Variants in SUPT3H observed in about 807,000 individuals in gnomAD.
SUPT3H encodes transcription initiation protein SPT3 homolog.
Under a neutral mutation model 44.3 loss-of-function variants are expected in SUPT3H, and 44 were observed. The ratio of observed to expected loss-of-function variants is 0.99; its 90% confidence interval spans 0.78 to 1.28. The LOEUF (loss-of-function observed/expected upper bound fraction) is 1.28, where lower values mean the gene tolerates loss of function less well. SUPT3H is among the 50% of genes most tolerant of loss of function. The pLI is 0.00. For synonymous variants in SUPT3H, 124 were observed against 125.6 expected (o/e 0.99, Z 0.09); for missense variants, 380 against 387.1 (o/e 0.98, Z 0.15).
intron 2 of SUPT3H, among the ~76,000 whole-genome samples, chr6:45,168,653 C>T (rs1429888018): frequency 6.6e-6 from 1 of 152,118 alleles, no homozygotes; most frequent in African/African-American, 2.4e-5. Flanking sequence ...CTTATAAACC[C>T]TGAGCCTAAA....
Position 45,291,876 on chromosome 6 carries a change from T to C in SUPT3H, c.101+73325A>G, listed in dbSNP as rs1169125533. ...TTGGAAAACATACTTGGGGGAATAA[T>C]CGAGGAAAACTTCCCTGACCTTGCT... is the stretch of plus-strand genomic sequence containing the variant. On this transcript the variant is annotated intron_variant, in intron 2 of 10. Coordinates refer to ENST00000371459, the MANE Select transcript of SUPT3H (RefSeq NM_003599.4). 2.0e-5 allele frequency among the ~76,000 whole-genome samples: 3 copies of C among 152,136 alleles called. No individual in the cohort carries two copies. In the East Asian group the frequency reaches 5.8e-4, roughly 29 times the overall value.
chr6:45,041,888 G>A (rs1172695225), intron 3 of SUPT3H, among the ~76,000 whole-genome samples: 11 of 152,126 alleles, frequency 7.2e-5, no homozygotes, highest in Non-Finnish European at 1.6e-4. Context: ...GTTATGAGAT[G>A]ATTATGGGCT....
intron 6 of SUPT3H, among the ~76,000 whole-genome samples, chr6:44,981,676 T>A (rs1779108061): frequency 6.6e-6 from 1 of 152,124 alleles, no homozygotes; most frequent in Non-Finnish European, 1.5e-5. Context: ...TGGGACTCTC[T>A]AGGTTAAGTT....
chr6:45,224,663 A>G (rs999401403), intron 2 of SUPT3H, among the ~76,000 whole-genome samples: 1 of 151,996 alleles, frequency 6.6e-6, no homozygotes, highest in Non-Finnish European at 1.5e-5. Flanking sequence ...CTGTAATTTC[A>G]GCTACTCTGG....
chr6:45,017,460 A>C (rs1054914955), intron 4 of SUPT3H, among the ~76,000 whole-genome samples: 6 of 151,700 alleles, frequency 4.0e-5, no homozygotes, highest in African/African-American at 1.5e-4. Flanking sequence ...GTTTTCTTCC[A>C]GGGTTTTTAT....
chr6:44,949,160 T>A (rs1409534659), intron 9 of SUPT3H, among the ~76,000 whole-genome samples: 5 of 151,996 alleles, frequency 3.3e-5, no homozygotes, highest in Admixed American at 6.6e-5. Flanking sequence ...AAACACCGCA[T>A]GTTCTCACTC....
chr6:45,080,212 T>C (rs376769373), intron 3 of SUPT3H, among the ~76,000 whole-genome samples: 18 of 152,118 alleles, frequency 1.2e-4, no homozygotes, highest in African/African-American at 4.3e-4. Context: ...CAACTGATCG[T>C]CAGAGAAATG....
intron 10 of SUPT3H, among the ~76,000 whole-genome samples, chr6:44,832,355 C>A (rs917604192): frequency 7.2e-5 from 11 of 152,232 alleles, no homozygotes; most frequent in Admixed American, 2.6e-4. Context: ...TCTGTCAGAC[C>A]CTATGAATGA....
chr6:45,002,951 T>TGAAA (rs1341953006), intron 6 of SUPT3H, among the ~76,000 whole-genome samples: 4 of 152,118 alleles, frequency 2.6e-5, no homozygotes, highest in African/African-American at 9.7e-5. Context: ...TCCTTATATG[T>TGAAA]GAAAGTATGA....
At chr6:44,896,500 G>C (rs534977187) in intron 10 of SUPT3H, among the ~76,000 whole-genome samples, 2 of 152,156 alleles carry the variant, frequency 1.3e-5, no homozygotes, top group Non-Finnish European at 2.9e-5. Context: ...TTATTCCACA[G>C]GGTTGTTGTG....
At chr6:44,952,590 A>T (rs1157756592) in intron 9 of SUPT3H, among the ~76,000 whole-genome samples, 1 of 152,214 alleles carries the variant, frequency 6.6e-6, no homozygotes, top group East Asian at 1.9e-4. Context: ...TTATCTATGG[A>T]TATTCGATTG....
intron 3 of SUPT3H, among the ~76,000 whole-genome samples, chr6:45,057,447 C>A (rs1791305678): frequency 6.6e-6 from 1 of 151,770 alleles, no homozygotes; most frequent in South Asian, 2.1e-4. Context: ...TGTGATGACA[C>A]AAAACCCAAC....
At chr6:45,230,976 A>G (rs1050234758) in intron 2 of SUPT3H, among the ~76,000 whole-genome samples, 36 of 151,982 alleles carry the variant, frequency 2.4e-4, no homozygotes, top group African/African-American at 8.7e-4. Context: ...CAGCCAATCT[A>G]TATCTTTTAA....
intron 10 of SUPT3H, among the ~76,000 whole-genome samples, chr6:44,848,246 A>G (rs1772249655): frequency 2.0e-5 from 3 of 152,146 alleles, no homozygotes; most frequent in Admixed American, 2.0e-4. Flanking sequence ...CTAGGATTAC[A>G]GGAGTGAGCC....
chr6:44,948,585 T>C (rs1773732434), intron 9 of SUPT3H, among the ~76,000 whole-genome samples: 1 of 152,200 alleles, frequency 6.6e-6, no homozygotes. Flanking sequence ...GCGAAGGATA[T>C]GAACAGACAC....
rs141704321 is a variant in SUPT3H at position 44,981,105 on chromosome 6, A to T, written c.505-19277T>A. 2.2e-3 allele frequency among the ~76,000 whole-genome samples: 330 copies of T among 152,198 alleles called. 1 individual carries two copies. Among genetic ancestry groups the T allele is most frequent in the African/African-American group, 7.6e-3 (316 of 41,524 alleles). ...TGGATCACTGCTACTGACATGTTCT[A>T]CTCTAACTCTTTACTGGAAGCCCAG... On this transcript the variant is annotated intron_variant, in intron 6 of 10. Coordinates refer to ENST00000371459, the MANE Select transcript of SUPT3H (RefSeq NM_003599.4).
intron 3 of SUPT3H, among the ~76,000 whole-genome samples, chr6:45,053,153 G>T (rs1698965834): frequency 6.6e-6 from 1 of 151,940 alleles, no homozygotes; most frequent in Admixed American, 6.6e-5. Context: ...TCCTGCCTAG[G>T]CCTTCTTAGT....
At chr6:45,248,550 T>C (rs540999774) in intron 2 of SUPT3H, among the ~76,000 whole-genome samples, 174 of 152,260 alleles carry the variant, frequency 1.1e-3, no homozygotes, top group African/African-American at 4.0e-3. Context: ...TCTTCACACC[T>C]ATTAGAATGG....
intron 2 of SUPT3H, among the ~76,000 whole-genome samples, chr6:45,206,318 C>T (rs938376913): frequency 2.6e-5 from 4 of 151,768 alleles, no homozygotes; most frequent in African/African-American, 7.3e-5. Flanking sequence ...TCAAATATGG[C>T]GATCAATGAG....
Sources: gnomAD v4.1 joint callset for allele counts (sites outside exome capture counted in the v4.1 genomes callset) on GRCh38, gnomAD v4.1.1 for gene constraint, MANE v1.5 for transcripts, NCBI Gene and HGNC (gene_info 2026-07-23, HGNC 2026-07-21) for gene names.